The following GET1 variants were observed in gnomAD, a reference collection of about 807,000 sequenced individuals.
GET1 encodes the protein congenital heart disease 5 protein.
GET1 carries 20 observed loss-of-function variants against 22.6 expected under a neutral mutation model. The observed-to-expected ratio is 0.89, with a 90% confidence interval of 0.62 to 1.29. The LOEUF (loss-of-function observed/expected upper bound fraction) is 1.29. Ranked by LOEUF, GET1 falls within the 50% of genes most tolerant of loss-of-function variation. GET1 has a pLI of 0.00. For missense variants in GET1, 209 were observed against 219.9 expected, an observed-to-expected ratio of 0.95 and a Z score of 0.31; for synonymous variants, 92 against 83.8, an observed-to-expected ratio of 1.10 and a Z score of -0.53.
Position 39,385,941 on chromosome 21 carries a change from A to C in GET1, c.103-4757A>C, listed in dbSNP as rs571114881. Among the ~76,000 whole-genome samples, 4 of 152,214 alleles carry C rather than the reference A, an allele frequency of 2.6e-5. No homozygotes were observed. In the East Asian group the frequency reaches 7.8e-4, roughly 30 times the overall value. Reference sequence around the variant, plus strand: ...GGCGCCCTAGGACTGGCGCTGGCTCAGGGTCCCTGCGAGCTGCACGCACTG... The same window carrying C: ...GGCGCCCTAGGACTGGCGCTGGCTCCGGGTCCCTGCGAGCTGCACGCACTG... On this transcript the variant is annotated intron_variant, in intron 1 of 4. Coordinates refer to ENST00000649170, the MANE Select transcript of GET1 (RefSeq NM_004627.6).
At chr21:39,393,145 T>C in intron 3 of GET1, 21 bp from the exon 4 acceptor site, 1 of 1,604,120 alleles carries the variant, frequency 6.2e-7, no homozygotes, top group South Asian at 1.1e-5. Flanking sequence ...GCTGCTTTGC[T>C]CACCAGAGGT....
chr21:39,390,797 G>C lies in GET1; in HGVS notation c.202G>C (p.Glu68Gln). The C allele has an allele frequency of 2.5e-6, 4 of 1,614,184 alleles. No individual in the cohort carries two copies. Among genetic ancestry groups the C allele is most frequent in the Non-Finnish European group, 3.4e-6 (4 of 1,180,038 alleles). The change falls in exon 2 of 5, where the codon GAG becomes CAG. Residue 68 changes from glutamate (E) to glutamine (Q), a missense_variant. Physicochemically the swap from Glu to Gln is conservative, Grantham distance 29. Transcript: ENST00000649170. ...GCTCTCCACAGTCAACATGATGGAC[G>C]AGTTTGCCAGATATGCCAGGCTGGA... is the stretch of plus-strand genomic sequence containing the variant. ...QELSTVNMMD[E>Q]FARYARLERK...
At chr21:39,408,752 C>A (rs1162613926), downstream of GET1, 1 of 152,270 alleles carries the variant, frequency 6.6e-6, no homozygotes, top group Non-Finnish European at 1.5e-5. Flanking sequence ...TGGGCCTGCC[C>A]AGAAGAGCTC....
chr21:39,389,250 GC>G (rs1321605428), intron 1 of GET1, among the ~76,000 whole-genome samples: 3 of 152,036 alleles, frequency 2.0e-5, no homozygotes, highest in Non-Finnish European at 4.4e-5. Flanking sequence ...GGGATTATTG[GC>G]ATGAGACACC....
At chr21:39,413,529 A>T (rs1429018097) in intron 1 of GET1, among the ~76,000 whole-genome samples, 2 of 152,222 alleles carry the variant, frequency 1.3e-5, no homozygotes, top group Non-Finnish European at 2.9e-5. Flanking sequence ...ACTCATTTGA[A>T]TCATAAAATT....
chr21:39,381,600 A>G (rs1419247914), intron 1 of GET1, among the ~76,000 whole-genome samples: 1 of 152,164 alleles, frequency 6.6e-6, no homozygotes, highest in East Asian at 1.9e-4. Context: ...CAGGCATTGC[A>G]TAAAAGACTC....
exon 2 of GET1, chr21:39,428,507 AT>A: frequency 6.8e-7 from 1 of 1,475,172 alleles, no homozygotes; most frequent in Non-Finnish European, 9.0e-7. Flanking sequence ...AAACAACCTA[AT>A]AAAAGAAAAG....
At chr21:39,404,081 A>G (rs1439819394) in intron 4 of GET1, among the ~76,000 whole-genome samples, 1 of 152,224 alleles carries the variant, frequency 6.6e-6, no homozygotes, top group Non-Finnish European at 1.5e-5. Context: ...ATTACACACC[A>G]ACACATAAAC....
At position 39,380,498 on chromosome 21, in the gene GET1, C is replaced by T. The variant is rs1190641973; in HGVS notation, c.102+12C>T. ...CCTTCTCATCCTTCGTAAGTGGCTGCCTGGCCTCCCAAGGGCCGGTGGGGA... is the reference window on the plus strand; with the variant it reads ...CCTTCTCATCCTTCGTAAGTGGCTGTCTGGCCTCCCAAGGGCCGGTGGGGA... On this transcript the variant is annotated intron_variant, in intron 1 of 4. Coordinates refer to ENST00000649170, the MANE Select transcript of GET1 (RefSeq NM_004627.6). The T allele has an allele frequency of 3.9e-5, 62 of 1,605,844 alleles. No individual in the cohort carries two copies. Among genetic ancestry groups the T allele is most frequent in the Non-Finnish European group, 4.9e-5 (58 of 1,175,646 alleles).
At chr21:39,406,648 A>C (rs1405308763), downstream of GET1, 1 of 1,466,678 alleles carries the variant, frequency 6.8e-7, no homozygotes, top group Non-Finnish European at 9.2e-7. Flanking sequence ...GTGCTGTTTA[A>C]AATGAATGGA....
chr21:39,419,919 A>AT (rs1352916290), intron 1 of GET1, among the ~76,000 whole-genome samples: 1 of 152,224 alleles, frequency 6.6e-6, no homozygotes, highest in African/African-American at 2.4e-5. Flanking sequence ...AGCAGTATAC[A>AT]TATTTTTAAG....
downstream of GET1, chr21:39,410,798 T>G (rs1486107493): frequency 2.1e-6 from 1 of 469,720 alleles, no homozygotes; most frequent in Non-Finnish European, 4.4e-6. Context: ...GGAAATTATA[T>G]CATTTAAACA....
intron 1 of GET1, among the ~76,000 whole-genome samples, chr21:39,388,484 C>T (rs910298799): frequency 1.3e-5 from 2 of 152,198 alleles, no homozygotes; most frequent in Non-Finnish European, 2.9e-5. Flanking sequence ...TCCCAGTCTT[C>T]CCTTGACTTT....
chr21:39,393,113 T>C lies in GET1; in HGVS notation c.337-53T>C. Reference sequence around the variant, plus strand: ...GCATTTCCCTGTCCTCCCTTCTGTGTGGTCGGTTGTGTGATTGGCAGGCTG... The same window carrying C: ...GCATTTCCCTGTCCTCCCTTCTGTGCGGTCGGTTGTGTGATTGGCAGGCTG... On this transcript the variant is annotated intron_variant, in intron 3 of 4. Coordinates refer to ENST00000649170, the MANE Select transcript of GET1 (RefSeq NM_004627.6). The C allele has an allele frequency of 8.9e-6, 13 of 1,457,172 alleles. No homozygotes were observed. In the South Asian group the frequency reaches 1.5e-4, roughly 17 times the overall value. The allele number at this position is 1,457,172 out of a possible 1,614,324, so 90.3% of individuals were successfully genotyped here.
intron 1 of GET1, among the ~76,000 whole-genome samples, chr21:39,386,695 T>C (rs1045936114): frequency 2.0e-5 from 3 of 152,206 alleles, no homozygotes; most frequent in Non-Finnish European, 4.4e-5. Context: ...CATCAATTAA[T>C]TCAGAGATTC....
downstream of GET1, among the ~76,000 whole-genome samples, chr21:39,399,020 GCA>G (rs2038772970): frequency 6.6e-6 from 1 of 152,200 alleles, no homozygotes; most frequent in African/African-American, 2.4e-5. Context: ...GATTACAGGC[GCA>G]AGCCACCGCG....
chr21:39,393,009 G>A (rs376426737), intron 3 of GET1, 157 bp from the exon 4 acceptor site: 12 of 588,592 alleles, frequency 2.0e-5, no homozygotes, highest in South Asian at 1.5e-4. Context: ...GTGGCTGTGC[G>A]TGCTCATCTG....
At chr21:39,399,756 T>A (rs1346804954), downstream of GET1, among the ~76,000 whole-genome samples, 1 of 152,122 alleles carries the variant, frequency 6.6e-6, no homozygotes, top group Non-Finnish European at 1.5e-5. Context: ...GTTTTTATTT[T>A]AAAAATACTG....
chr21:39,398,426 C>G (rs920712680), downstream of GET1, among the ~76,000 whole-genome samples: 2 of 152,114 alleles, frequency 1.3e-5, no homozygotes, highest in Non-Finnish European at 2.9e-5. Context: ...ATACCCGTAT[C>G]TCTTAAAGAT....
Sources: gnomAD v4.1 joint callset for allele counts (sites outside exome capture counted in the v4.1 genomes callset) on GRCh38, gnomAD v4.1.1 for gene constraint, MANE v1.5 for transcripts, NCBI Gene and HGNC (gene_info 2026-07-23, HGNC 2026-07-21) for gene names.